The following HERC2 variants were observed in gnomAD, a reference collection of about 807,000 sequenced individuals.
The protein encoded by HERC2 is HECT and RLD domain containing E3 ubiquitin protein ligase 2.
In HERC2, 102 loss-of-function variants were observed where a neutral mutation model predicts 537.7. The observed-to-expected ratio is 0.19, with a 90% CI of 0.16 to 0.22. The LOEUF (loss-of-function observed/expected upper bound fraction) is 0.22. Ranked by LOEUF, HERC2 falls within the 10% of genes least tolerant of loss-of-function variation. HERC2 has a pLI of 1.00. For synonymous variants in HERC2, 2,224 were observed against 2,466.2 expected (o/e 0.90, Z 2.91); for missense variants, 4,236 against 6,198.2 (o/e 0.68, Z 10.63).
chr15:28,299,777 C>G (rs1392350420), intron 2 of HERC2, among the ~76,000 whole-genome samples: 1 of 152,026 alleles, frequency 6.6e-6, no homozygotes, highest in Non-Finnish European at 1.5e-5. Flanking sequence ...CGTGGTCGGG[C>G]GAGGTGGCTC....
intron 69 of HERC2, among the ~76,000 whole-genome samples, chr15:28,154,435 G>GT (rs1324898201): frequency 6.6e-6 from 1 of 152,186 alleles, no homozygotes. Flanking sequence ...GAAAACGGCC[G>GT]TATCCTTATT....
At chr15:28,307,963 T>C (rs1207474158) in intron 2 of HERC2, among the ~76,000 whole-genome samples, 4 of 152,226 alleles carry the variant, frequency 2.6e-5, no homozygotes, top group Non-Finnish European at 5.9e-5. Context: ...CTCTGTAGTA[T>C]AATTTGAAGT....
chr15:28,177,454 T>A lies in HERC2; in HGVS notation c.9219A>T (p.Glu3073Asp). Residue 3073 changes from glutamate to aspartate, a missense_variant, in exon 60 of 93, where the codon GAA becomes GAT. Physicochemically the swap from Glu to Asp is conservative, Grantham distance 45. Coordinates refer to ENST00000261609, the MANE Select transcript of HERC2 (RefSeq NM_004667.6). The surrounding 1 kb of genome is among the most constrained non-coding windows in gnomAD (Gnocchi z 5.0). ...TVDGKVFSWG[E>D]GDDGKLGHFS... The stretch of plus-strand genomic sequence containing the variant: ...AGTGTCCAAGTTTTCCATCGTCACC[T>A]TCGCCCCACGAAAACACTTTTCCAT... 1.2e-6 allele frequency: 2 copies of A among 1,614,242 alleles called. No individual in the cohort carries two copies. Among genetic ancestry groups the A allele is most frequent in the Non-Finnish European group, 1.7e-6 (2 of 1,180,042 alleles).
At chr15:28,210,252 G>C (rs755007046) in intron 44 of HERC2, among the ~76,000 whole-genome samples, 120 of 152,256 alleles carry the variant, frequency 7.9e-4, no homozygotes, top group Admixed American at 1.7e-3. Flanking sequence ...TCCTGCGTCA[G>C]CCTCCCAAGT....
At chr15:28,245,347 G>C (rs1262055862) in intron 23 of HERC2, among the ~76,000 whole-genome samples, 1 of 151,790 alleles carries the variant, frequency 6.6e-6, no homozygotes, top group Non-Finnish European at 1.5e-5. Flanking sequence ...AGGAGTTCGA[G>C]ACCATCCTGG....
At position 28,122,824 on chromosome 15, in the gene HERC2, C is replaced by G. The variant is rs992758424; in HGVS notation, c.13188+1213G>C. On this transcript the variant is annotated intron_variant, in intron 85 of 92. Coordinates refer to ENST00000261609, the MANE Select transcript of HERC2 (RefSeq NM_004667.6). This position sits in a 1 kb window ranked among gnomAD's most constrained non-coding sequence, Gnocchi z 4.1. ...GCAGGTGCCAGATGCTGCTGCCCAC[C>G]GCTCCCCTACCACACACCAGCTCCC... 6.6e-6 allele frequency among the ~76,000 whole-genome samples: 1 copy of G among 151,986 alleles called. No homozygotes were observed. The highest frequency in any genetic ancestry group is 2.4e-5 in the African/African-American group (1 of 41,398).
At chr15:28,287,037 A>G (rs1372844636) in intron 4 of HERC2, among the ~76,000 whole-genome samples, 1 of 152,220 alleles carries the variant, frequency 6.6e-6, no homozygotes, top group African/African-American at 2.4e-5. Flanking sequence ...GGTGGTGAAT[A>G]TGTGCGTGCG....
chr15:28,120,629 G>A (rs865970452), intron 86 of HERC2, among the ~76,000 whole-genome samples: 9 of 152,288 alleles, frequency 5.9e-5, no homozygotes, highest in South Asian at 4.1e-4. Context: ...GACAGTATTA[G>A]TAATTCTGGC....
chr15:28,176,933 A>G lies in HERC2; in HGVS notation c.9432+17T>C, dbSNP rs1169560803. ...GATGGTAAGCTTTCTGCAAGCAACA[A>G]AAATGCGTATAATCACCATTTTGGG... On this transcript the variant is annotated intron_variant, in intron 61 of 92. Transcript: ENST00000261609. This position sits in a 1 kb window ranked among gnomAD's most constrained non-coding sequence, Gnocchi z 5.0. The G allele has an allele frequency of 6.2e-7, 1 of 1,604,426 alleles. No homozygotes were observed.
intron 69 of HERC2, among the ~76,000 whole-genome samples, chr15:28,162,893 A>G (rs1445117944): frequency 6.6e-6 from 1 of 152,240 alleles, no homozygotes; most frequent in Non-Finnish European, 1.5e-5. Flanking sequence ...TCCGTCTCAA[A>G]AAAACAAAAA....
Position 28,263,094 on chromosome 15 carries a change from T to A in HERC2, c.1946A>T (p.Lys649Met), listed in dbSNP as rs1256170806. 6.2e-7 allele frequency: 1 copy of A among 1,614,178 alleles called. No homozygotes were observed. Among genetic ancestry groups the A allele is most frequent in the South Asian group, 1.1e-5 (1 of 91,080 alleles). ...RGGSDGCKTP[K>M]LIEKLQDLDV... ...CAAGTCTTGAAGCTTTTCAATCAGCTTTGGGGTTTTGCAGCCATCACTACC... is the reference window on the plus strand; with the variant it reads ...CAAGTCTTGAAGCTTTTCAATCAGCATTGGGGTTTTGCAGCCATCACTACC... Residue 649 changes from lysine to methionine, a missense_variant, in exon 15 of 93, where the codon AAG (lysine) becomes ATG (methionine). Lys to Met is a moderately conservative substitution (Grantham distance 95). Around this residue, in one of 27 missense-constraint regions of HERC2, gnomAD observed 754 missense variants for 1,085.0 expected, o/e 0.69. Coordinates refer to ENST00000261609, the MANE Select transcript of HERC2 (RefSeq NM_004667.6).
rs142882696 is a variant in HERC2 at position 28,115,441 on chromosome 15, C to T, written c.13710G>A (p.Ala4570=). The T allele has an allele frequency of 7.3e-5, 117 of 1,613,434 alleles. No homozygotes were observed. Among genetic ancestry groups the T allele is most frequent in the Middle Eastern group, 1.7e-4 (1 of 6,050 alleles). Residue 4570 remains alanine (A), a synonymous_variant, in exon 89 of 93, where the codon GCG becomes GCA. Transcript: ENST00000261609. ...CCCAGGGAGTTACCTCACTGAGGTC[C>T]GCGATGGTGAGGCTCATCCCAGCCA... ...KQLAGMSLTI[A]DLSEVDKDFI... is the part of the protein sequence containing the mutation.
Position 28,177,333 on chromosome 15 carries a change from T to C in HERC2, c.9254+86A>G, listed in dbSNP as rs1239595261. The C allele has an allele frequency of 2.8e-6, 4 of 1,419,696 alleles. No individual in the cohort carries two copies. In the East Asian group the frequency reaches 9.3e-5, roughly 33 times the overall value. The allele number at this position is 1,419,696 out of a possible 1,614,324, so 87.9% of individuals were successfully genotyped here. ...AGAACCATTTCTATAATCTATTCTA[T>C]TCTAATTTTCTGCAAAATAATTCTC... On this transcript the variant is annotated intron_variant, in intron 60 of 92. Transcript: ENST00000261609. The surrounding 1 kb of genome is among the most constrained non-coding windows in gnomAD (Gnocchi z 5.0).
At chr15:28,125,996 G>C (rs1657581313) in intron 83 of HERC2, among the ~76,000 whole-genome samples, 1 of 152,208 alleles carries the variant, frequency 6.6e-6, no homozygotes, top group African/African-American at 2.4e-5. Flanking sequence ...ATTTTTAGCA[G>C]AGACAGGGTT....
rs1161906365 is a variant in HERC2 at position 28,135,475 on chromosome 15, T to C, written c.12230+3A>G. The C allele has an allele frequency of 1.9e-6, 3 of 1,609,500 alleles. No individual in the cohort carries two copies. Among genetic ancestry groups the C allele is most frequent in the African/African-American group, 1.3e-5 (1 of 74,844 alleles). On this transcript the variant is annotated splice_donor_region_variant and intron_variant, in intron 79 of 92. Transcript: ENST00000261609. ...ATGTTGAAATAATTTTTTCACATCA[T>C]ACCTTCTGTTGCCATGCCCCAACTT...
intron 5 of HERC2, among the ~76,000 whole-genome samples, chr15:28,276,946 G>A (rs1405963203): frequency 6.6e-6 from 1 of 152,058 alleles, no homozygotes; most frequent in African/African-American, 2.4e-5. Flanking sequence ...GTGGTGTCAT[G>A]CATCTGTAGT....
intron 2 of HERC2, among the ~76,000 whole-genome samples, chr15:28,301,367 A>C (rs1185082772): frequency 3.3e-5 from 5 of 151,952 alleles, no homozygotes; most frequent in Admixed American, 3.3e-4. Flanking sequence ...GTGGGCCAAG[A>C]CTATGCCACT....
At chr15:28,277,864 C>T (rs1189452548) in intron 5 of HERC2, among the ~76,000 whole-genome samples, 1 of 152,032 alleles carries the variant, frequency 6.6e-6, no homozygotes, top group Non-Finnish European at 1.5e-5. Context: ...CCAGGCTTGC[C>T]CCACCCTGGC....
intron 85 of HERC2, among the ~76,000 whole-genome samples, chr15:28,123,648 A>C (rs933782899): frequency 6.6e-6 from 1 of 152,200 alleles, no homozygotes; most frequent in South Asian, 2.1e-4. Flanking sequence ...ATCCTGAGAG[A>C]AACAGCCCAA....
Sources: gnomAD v4.1 joint callset for allele counts (sites outside exome capture counted in the v4.1 genomes callset) on GRCh38, gnomAD v4.1.1 for gene constraint, gnomAD v4.1.1 regional missense constraint, Gnocchi (gnomAD v3.1) non-coding constraint, MANE v1.5 for transcripts, NCBI Gene and HGNC (gene_info 2026-07-23, HGNC 2026-07-21) for gene names.